Variants in PIP4P2 observed in about 807,000 individuals in gnomAD.
The protein encoded by PIP4P2 is type 2 phosphatidylinositol 4,5-bisphosphate 4-phosphatase.
Under a neutral mutation model 33.3 loss-of-function variants are expected in PIP4P2, and 19 were observed. The ratio of observed to expected loss-of-function variants is 0.57; its 90% CI spans 0.40 to 0.84. The LOEUF (loss-of-function observed/expected upper bound fraction) is 0.84. PIP4P2 is among the 40% of genes least tolerant of loss of function. The probability of loss-of-function intolerance (pLI) is 0.00; values close to 1 mark genes in which losing one functional copy is unlikely to be tolerated. For synonymous variants in PIP4P2, 110 were observed against 111.9 expected (o/e 0.98, Z 0.11); for missense variants, 270 against 324.7 (o/e 0.83, Z 1.29).
chr8:91,039,902 A>G (rs1161846532), intron 1 of PIP4P2, among the ~76,000 whole-genome samples: 1 of 152,194 alleles, frequency 6.6e-6, no homozygotes, highest in Non-Finnish European at 1.5e-5. Context: ...AAAAAAATAG[A>G]AATATATGTA....
At chr8:91,040,003 G>A (rs1034103095) in intron 1 of PIP4P2, among the ~76,000 whole-genome samples, 3 of 152,064 alleles carry the variant, frequency 2.0e-5, no homozygotes, top group Non-Finnish European at 4.4e-5. Flanking sequence ...TGAGAAGTAA[G>A]GTCCTTCCTT....
At position 90,995,122 on chromosome 8, in the gene PIP4P2, A is replaced by T. The variant is rs1247610045; in HGVS notation, c.*555T>A. The T allele has an allele frequency of 5.2e-5, 8 of 152,424 alleles. No individual in the cohort carries two copies. In the East Asian group the frequency reaches 9.6e-4, roughly 18 times the overall value. 9.4% of individuals were successfully genotyped at this position (152,424 alleles called of 1,614,324 possible). ...AAAAACAAGCAAACAGTATCTAGAAATTTTTTTTCCTCTGACAAGAATGTC... is the reference window on the plus strand; with the variant it reads ...AAAAACAAGCAAACAGTATCTAGAATTTTTTTTTCCTCTGACAAGAATGTC... On this transcript the variant is annotated 3_prime_UTR_variant, in exon 7 of 7. Transcript: ENST00000285419.
At position 90,995,745 on chromosome 8, in the gene PIP4P2, T is replaced by C. The variant is rs577355107; in HGVS notation, c.706A>G (p.Ile236Val). ...CAATAACAAGCTCGGATAAGGCAGA[T>C]CAATCCTAGGAGATAAGCAATTGCC... ...SWAIAYLLGL[I>V]CLIRACYWGA... is the part of the protein sequence containing the mutation. The change falls in exon 7 of 7, where the codon ATC becomes GTC. Residue 236 changes from isoleucine to valine, a missense_variant. Ile to Val is a conservative substitution (Grantham distance 29). Transcript: ENST00000285419. The C allele has an allele frequency of 5.6e-6, 9 of 1,613,436 alleles. No individual in the cohort carries two copies. In the Admixed American group the frequency reaches 1.3e-4, roughly 24 times the overall value.
intron 1 of PIP4P2, among the ~76,000 whole-genome samples, chr8:91,032,524 T>A (rs1385618343): frequency 1.3e-5 from 2 of 152,148 alleles, no homozygotes; most frequent in Admixed American, 1.3e-4. Flanking sequence ...CTCATGCCTG[T>A]AATCCAAGCA....
rs775075382 is a variant in PIP4P2 at position 91,040,708 on chromosome 8, T to C, written c.42A>G (p.Ser14=). 6.2e-7 allele frequency: 1 copy of C among 1,612,972 alleles called. No homozygotes were observed. Among genetic ancestry groups the C allele is most frequent in the Non-Finnish European group, 8.5e-7 (1 of 1,180,020 alleles). Residue 14 remains serine (S), a synonymous_variant, in exon 1 of 7, where the codon TCA becomes TCG. Transcript: ENST00000285419. ...DGVDERSPLL[S]ASHSGNVTPT... is the part of the protein sequence containing the mutation. ...GAGTGACATTTCCGGAGTGGGATGC[T>C]GACAGCAGAGGCGAGCGTTCGTCCA...
chr8:91,029,419 T>A (rs1402196624), intron 1 of PIP4P2, among the ~76,000 whole-genome samples: 1 of 152,172 alleles, frequency 6.6e-6, no homozygotes, highest in Non-Finnish European at 1.5e-5. Context: ...ATGTTTCTAA[T>A]GAGGACAAAG....
chr8:91,021,644 T>C (rs1812010487), intron 1 of PIP4P2, among the ~76,000 whole-genome samples: 1 of 152,190 alleles, frequency 6.6e-6, no homozygotes, highest in Non-Finnish European at 1.5e-5. Flanking sequence ...TCTATCCCAA[T>C]AACCCAGTTT....
chr8:91,023,761 G>T (rs1450144953), intron 1 of PIP4P2, among the ~76,000 whole-genome samples: 1 of 152,082 alleles, frequency 6.6e-6, no homozygotes, highest in Admixed American at 6.5e-5. Context: ...ATAATGCCTG[G>T]TCTATGATGA....
intron 1 of PIP4P2, among the ~76,000 whole-genome samples, chr8:91,027,903 G>C (rs1341511747): frequency 1.3e-5 from 2 of 152,126 alleles, no homozygotes; most frequent in African/African-American, 4.8e-5. Context: ...CTTCACTAAG[G>C]CATCAATAAA....
chr8:91,001,445 T>C (rs1386420695), intron 5 of PIP4P2, among the ~76,000 whole-genome samples: 4 of 152,034 alleles, frequency 2.6e-5, no homozygotes, highest in Non-Finnish European at 4.4e-5. Context: ...TTCTACAATT[T>C]TGTCATTTGA....
At chr8:90,996,900 T>G (rs1811636208) in intron 5 of PIP4P2, among the ~76,000 whole-genome samples, 156 bp from the exon 6 acceptor site, 1 of 152,164 alleles carries the variant, frequency 6.6e-6, no homozygotes, top group Non-Finnish European at 1.5e-5. Context: ...AACATGTCAT[T>G]TTTAATGGGT....
chr8:91,027,828 T>G (rs1050088378), intron 1 of PIP4P2, among the ~76,000 whole-genome samples: 7 of 152,166 alleles, frequency 4.6e-5, no homozygotes, highest in Non-Finnish European at 8.8e-5. Flanking sequence ...TGAAGTGGAT[T>G]TATCATATGA....
chr8:91,037,386 C>T (rs543849675), intron 1 of PIP4P2, among the ~76,000 whole-genome samples: 1 of 152,294 alleles, frequency 6.6e-6, no homozygotes, highest in African/African-American at 2.4e-5. Context: ...TTCCAGTCCA[C>T]CTTTTGCCAA....
chr8:91,024,969 T>C (rs1404885016), intron 1 of PIP4P2, among the ~76,000 whole-genome samples: 2 of 152,156 alleles, frequency 1.3e-5, no homozygotes, highest in Admixed American at 6.5e-5. Context: ...TTAAGGGTTA[T>C]ACACAACTTC....
chr8:91,012,609 A>G (rs1355977429), intron 4 of PIP4P2, among the ~76,000 whole-genome samples: 3 of 152,098 alleles, frequency 2.0e-5, no homozygotes, highest in African/African-American at 7.2e-5. Flanking sequence ...ATCATCTTTA[A>G]ATACTGTATT....
chr8:91,038,748 T>C (rs1812266352), intron 1 of PIP4P2, among the ~76,000 whole-genome samples: 1 of 152,224 alleles, frequency 6.6e-6, no homozygotes, highest in Non-Finnish European at 1.5e-5. Flanking sequence ...TACCTCTCAT[T>C]TATGCTTCTT....
intron 4 of PIP4P2, among the ~76,000 whole-genome samples, chr8:91,016,206 A>C (rs1811912575): frequency 6.6e-6 from 1 of 152,338 alleles, no homozygotes; most frequent in South Asian, 2.1e-4. Context: ...GCTCCTAGAA[A>C]TTAAAAATTA....
chr8:91,010,324 T>G (rs1278672789), intron 4 of PIP4P2, among the ~76,000 whole-genome samples: 1 of 151,868 alleles, frequency 6.6e-6, no homozygotes, highest in African/African-American at 2.4e-5. Flanking sequence ...AGCAAACTGG[T>G]TTGAGAAGGT....
At position 91,009,758 on chromosome 8, in the gene PIP4P2, T is replaced by C. The variant is rs1811808242; in HGVS notation, c.487-963A>G. Reference sequence around the variant, plus strand: ...TACCTTTTAGAAAATATCTGATGCATACTTTTTTCTTTTATGATTAGAGTT... The same window carrying C: ...TACCTTTTAGAAAATATCTGATGCACACTTTTTTCTTTTATGATTAGAGTT... On this transcript the variant is annotated intron_variant, in intron 4 of 6. Transcript: ENST00000285419. Among the ~76,000 whole-genome samples the C allele has an allele frequency of 2.6e-5, 4 of 151,944 alleles. No homozygotes were observed. The South Asian group carries it at 8.3e-4, about 31-fold the overall frequency.
Sources: allele counts gnomAD v4.1 joint callset (sites outside exome capture counted in the v4.1 genomes callset), GRCh38; gene constraint gnomAD v4.1.1; transcripts MANE v1.5; gene names NCBI Gene and HGNC (gene_info 2026-07-23, HGNC 2026-07-21).